PTPRK: variants seen among roughly 807,000 people sequenced by gnomAD.
PTPRK encodes the protein protein tyrosine phosphatase receptor type K.
Under a neutral mutation model 178.0 loss-of-function variants are expected in PTPRK, and 75 were observed. The ratio of observed to expected loss-of-function variants is 0.42; its 90% CI spans 0.35 to 0.51. The LOEUF is 0.51. PTPRK is among the 20% of genes least tolerant of loss of function. PTPRK has a pLI of 0.02. For missense variants in PTPRK, 1,441 were observed against 1,797.8 expected (o/e 0.80, Z 3.59); for synonymous variants, 637 against 620.6 (o/e 1.03, Z -0.39).
chr6:128,335,917 A>T (rs1323862218), intron 2 of PTPRK, among the ~76,000 whole-genome samples: 1 of 152,192 alleles, frequency 6.6e-6, no homozygotes, highest in Admixed American at 6.5e-5. Context: ...GGTCTCTGGG[A>T]TAGGCTATTC....
chr6:128,163,450 T>C (rs1398832391), intron 7 of PTPRK, among the ~76,000 whole-genome samples: 3 of 151,448 alleles, frequency 2.0e-5, no homozygotes, highest in Admixed American at 6.6e-5. Flanking sequence ...GGTAGCTTGG[T>C]AGAAAAATAT....
intron 25 of PTPRK, 135 bp downstream of exon 25, chr6:127,980,981 A>G: frequency 1.2e-6 from 1 of 828,832 alleles, no homozygotes; most frequent in Non-Finnish European, 1.8e-6. Flanking sequence ...TTCCAAAAAA[A>G]TGTGTTTCAA....
At chr6:128,496,743 G>C (rs1329636676) in intron 1 of PTPRK, among the ~76,000 whole-genome samples, 1 of 152,068 alleles carries the variant, frequency 6.6e-6, no homozygotes, top group Non-Finnish European at 1.5e-5. Context: ...AACTCTAATT[G>C]CTTCTTGGTT....
intron 29 of PTPRK, 42 bp downstream of exon 29, chr6:127,972,980 A>C: frequency 6.3e-7 from 1 of 1,591,546 alleles, no homozygotes; most frequent in South Asian, 1.1e-5. Context: ...ATGACTAACT[A>C]ATCTCTAAGA....
chr6:128,041,827 T>C (rs964009485), intron 13 of PTPRK, among the ~76,000 whole-genome samples: 4 of 145,814 alleles, frequency 2.7e-5, no homozygotes, highest in African/African-American at 8.1e-5. Flanking sequence ...AGTGTATATA[T>C]ATGTAATACA....
At chr6:128,064,612 C>T in intron 13 of PTPRK, 146 bp downstream of exon 13, 1 of 931,418 alleles carries the variant, frequency 1.1e-6, no homozygotes, top group South Asian at 2.7e-5. Context: ...AGTAGCACCC[C>T]ATTAGTTGTT....
rs1377334589 is a variant in PTPRK at position 127,968,833 on chromosome 6, T to A, written c.*1394A>T. The A allele has an allele frequency of 6.6e-6, 1 of 152,236 alleles. No individual in the cohort carries two copies. The highest frequency in any genetic ancestry group is 2.4e-5 in the African/African-American group (1 of 41,468). 9.4% of individuals were successfully genotyped at this position (152,236 alleles called of 1,614,324 possible). On this transcript the variant is annotated 3_prime_UTR_variant, in exon 30 of 30. Coordinates refer to ENST00000368226, the MANE Select transcript of PTPRK (RefSeq NM_002844.4). ...CATTCTTACTTTAATTAAATCTTTATAAGCACCATGTCATGAGCTGGCAAT... is the reference window on the plus strand; with the variant it reads ...CATTCTTACTTTAATTAAATCTTTAAAAGCACCATGTCATGAGCTGGCAAT...
chr6:127,983,862 A>G (rs956586019), intron 22 of PTPRK, among the ~76,000 whole-genome samples: 3 of 152,116 alleles, frequency 2.0e-5, no homozygotes, highest in Non-Finnish European at 4.4e-5. Context: ...AAAACTTTAA[A>G]CGGGAAATCT....
intron 8 of PTPRK, among the ~76,000 whole-genome samples, chr6:128,087,259 G>A (rs1327952707): frequency 6.6e-6 from 1 of 151,970 alleles, no homozygotes; most frequent in Non-Finnish European, 1.5e-5. Context: ...TATTACTAGA[G>A]AGTGACTGGC....
In PTPRK at chr6:128,089,762, G is replaced by A; in HGVS notation, c.1393C>T (p.Leu465Phe). The change falls in exon 8 of 30, where the codon CTC (leucine) becomes TTC (phenylalanine). Residue 465 changes from leucine to phenylalanine, a missense_variant. Around this residue, in one of 4 missense-constraint regions of PTPRK, gnomAD observed 945 missense variants for 1,080.6 expected, o/e 0.87. Transcript: ENST00000368226. ...TCTGGATTGGTTAGGATCATCTTGA[G>A]GCTGACATTTGTATAAGGTGGCAGA... ...NHLPPYTNVS[L>F]KMILTNPEGR... is the part of the protein sequence containing the mutation. 1 of 1,613,402 alleles carries A rather than the reference G, an allele frequency of 6.2e-7. No individual in the cohort carries two copies. The highest frequency in any genetic ancestry group is 8.5e-7 in the Non-Finnish European group (1 of 1,179,366).
intron 7 of PTPRK, among the ~76,000 whole-genome samples, chr6:128,149,034 C>T (rs895523313): frequency 2.6e-5 from 4 of 151,788 alleles, no homozygotes; most frequent in African/African-American, 7.3e-5. Flanking sequence ...ATGACTGATA[C>T]ATTTTAATCA....
Position 128,009,274 on chromosome 6 carries a change from T to C in PTPRK, c.2195-6A>G. ...TGGTTCTTCTGTTGCTGCTGCTAAA[T>C]GGATAAAAAAAAAAATCAGTTACTG... is the stretch of plus-strand genomic sequence containing the variant. On this transcript the variant is annotated splice_region_variant and splice_polypyrimidine_tract_variant and intron_variant, in intron 13 of 29. Transcript: ENST00000368226. The C allele has an allele frequency of 1.9e-6, 3 of 1,585,292 alleles. No homozygotes were observed. The highest frequency in any genetic ancestry group is 1.8e-5 in the Admixed American group (1 of 55,676).
At chr6:128,348,397 A>C (rs1832695373) in intron 2 of PTPRK, among the ~76,000 whole-genome samples, 1 of 152,022 alleles carries the variant, frequency 6.6e-6, no homozygotes, top group South Asian at 2.1e-4. Flanking sequence ...TTTCACTTGC[A>C]AATAAAATGG....
intron 1 of PTPRK, among the ~76,000 whole-genome samples, chr6:128,494,738 T>A (rs1854410007): frequency 6.6e-6 from 1 of 152,246 alleles, no homozygotes; most frequent in South Asian, 2.1e-4. Context: ...CTGCCCATGA[T>A]GTTTTTTCTA....
intron 5 of PTPRK, chr6:128,230,768 A>G (rs561939263): frequency 6.6e-6 from 1 of 152,288 alleles, no homozygotes; most frequent in East Asian, 1.9e-4. Context: ...TGCAAACAGG[A>G]GAGCATATTG....
At chr6:128,357,994 C>T (rs891372742) in intron 2 of PTPRK, among the ~76,000 whole-genome samples, 4 of 152,160 alleles carry the variant, frequency 2.6e-5, no homozygotes, top group African/African-American at 9.7e-5. Context: ...TTAGCATCTA[C>T]CCAGGATAGG....
chr6:127,973,908 T>G, intron 27 of PTPRK, 81 bp from the exon 28 acceptor site: 5 of 1,364,246 alleles, frequency 3.7e-6, no homozygotes, highest in Non-Finnish European at 5.0e-6. Context: ...TAATTTACAA[T>G]ACAAATGGCA....
intron 1 of PTPRK, among the ~76,000 whole-genome samples, chr6:128,493,385 AC>A (rs1854139539): frequency 1.3e-5 from 2 of 151,994 alleles, no homozygotes; most frequent in South Asian, 4.1e-4. Flanking sequence ...ACACAGTGAA[AC>A]CCTGTCTCTA....
At chr6:128,342,958 T>C (rs6908404) in intron 2 of PTPRK, among the ~76,000 whole-genome samples, 1,698 of 152,078 alleles carry the variant, frequency 0.011, 32 homozygotes, top group African/African-American at 0.039. Context: ...AACAGGTTTA[T>C]TACAGAAAAT....
Sources: allele counts gnomAD v4.1 joint callset (sites outside exome capture counted in the v4.1 genomes callset), GRCh38; gene constraint gnomAD v4.1.1; regional missense constraint gnomAD v4.1.1; transcripts MANE v1.5; gene names NCBI Gene and HGNC (gene_info 2026-07-23, HGNC 2026-07-21).